Variants in ROBO1 observed in about 807,000 individuals in gnomAD.
ROBO1 encodes roundabout homolog 1.
ROBO1 carries 149 observed loss-of-function variants against 195.9 expected under a neutral mutation model. The observed-to-expected ratio is 0.76, with a 90% CI of 0.67 to 0.87. The LOEUF is 0.87. Ranked by LOEUF, ROBO1 falls within the 40% of genes least tolerant of loss-of-function variation. The pLI is 0.00. For synonymous variants in ROBO1, 816 were observed against 733.2 expected (o/e 1.11, Z -1.82); for missense variants, 1,933 against 2,068.3 (o/e 0.93, Z 1.27).
At chr3:78,769,830 C>T (rs906748571) in intron 4 of ROBO1, among the ~76,000 whole-genome samples, 3 of 152,026 alleles carry the variant, frequency 2.0e-5, no homozygotes, top group East Asian at 1.9e-4. Context: ...TTCCTTCATA[C>T]ATGATGCTTG....
At position 78,667,851 on chromosome 3, in the gene ROBO1, G is replaced by C. The variant is rs376805302; in HGVS notation, c.1966+32C>G. On this transcript the variant is annotated intron_variant, in intron 14 of 30. Coordinates refer to ENST00000464233, the MANE Select transcript of ROBO1 (RefSeq NM_002941.4). ...CAATTATAACATCTAAGGATAAGTA[G>C]GTGTCACAGGTTTAAGTAAATCAAT... 3.2e-4 allele frequency: 508 copies of C among 1,595,516 alleles called. 2 individuals carry two copies. The African/African-American group carries it at 6.3e-3, about 20-fold the overall frequency.
intron 2 of ROBO1, among the ~76,000 whole-genome samples, chr3:79,231,050 A>G (rs1040867546): frequency 1.3e-5 from 2 of 152,016 alleles, no homozygotes; most frequent in African/African-American, 4.8e-5. Context: ...CCTTCCTTAC[A>G]CCCTACACAA....
chr3:79,070,145 A>G (rs955099263), intron 3 of ROBO1, among the ~76,000 whole-genome samples: 3 of 151,876 alleles, frequency 2.0e-5, no homozygotes, highest in Non-Finnish European at 4.4e-5. Flanking sequence ...TGAGAAAGAG[A>G]AGAATCTTTG....
At chr3:79,513,161 G>T (rs188434610) in intron 2 of ROBO1, among the ~76,000 whole-genome samples, 1 of 152,208 alleles carries the variant, frequency 6.6e-6, no homozygotes, top group East Asian at 1.9e-4. Flanking sequence ...ATTTAATGAA[G>T]TGTAGGAAGC....
intron 4 of ROBO1, among the ~76,000 whole-genome samples, chr3:78,904,974 C>A (rs1044339499): frequency 1.8e-4 from 27 of 151,932 alleles, no homozygotes; most frequent in Admixed American, 5.3e-4. Context: ...CAATTCTATT[C>A]TTTTCTGTTG....
intron 3 of ROBO1, among the ~76,000 whole-genome samples, chr3:79,109,051 G>A (rs1168864003): frequency 2.0e-5 from 3 of 151,566 alleles, no homozygotes; most frequent in African/African-American, 7.3e-5. Context: ...ACAGGCATTT[G>A]TTTGTGGACT....
intron 5 of ROBO1, among the ~76,000 whole-genome samples, chr3:78,735,047 T>C (rs2082364141): frequency 6.6e-6 from 1 of 152,212 alleles, no homozygotes; most frequent in African/African-American, 2.4e-5. Context: ...GACTTATATA[T>C]TGATGTAAAC....
intron 1 of ROBO1, among the ~76,000 whole-genome samples, chr3:79,650,193 A>G (rs1244336419): frequency 5.9e-5 from 9 of 151,978 alleles, no homozygotes; most frequent in Admixed American, 5.9e-4. Flanking sequence ...TGACAAACTG[A>G]TTAAGAAAAC....
At chr3:79,613,985 T>C (rs556470675) in intron 1 of ROBO1, among the ~76,000 whole-genome samples, 6 of 152,092 alleles carry the variant, frequency 3.9e-5, no homozygotes, top group South Asian at 2.1e-4. Context: ...TAAGTGTGTA[T>C]ACACCTAACA....
intron 2 of ROBO1, among the ~76,000 whole-genome samples, chr3:79,448,448 T>C (rs932065706): frequency 1.3e-5 from 2 of 152,186 alleles, no homozygotes; most frequent in Non-Finnish European, 2.9e-5. Flanking sequence ...GTAAGGGTCC[T>C]CCATAAAACC....
chr3:78,912,796 T>C (rs1459309742), intron 4 of ROBO1, among the ~76,000 whole-genome samples: 1 of 152,124 alleles, frequency 6.6e-6, no homozygotes, highest in Admixed American at 6.5e-5. Context: ...TTTCAAATGA[T>C]CACATACATA....
intron 25 of ROBO1, 116 bp from the exon 26 acceptor site, chr3:78,627,685 A>G: frequency 9.0e-7 from 1 of 1,108,704 alleles, no homozygotes; most frequent in East Asian, 2.6e-5. Flanking sequence ...TCTCAGTCAC[A>G]TTAAGGAGAT....
At chr3:79,125,305 G>T (rs767229000) in intron 3 of ROBO1, 151 bp downstream of exon 3, 3 of 666,078 alleles carry the variant, frequency 4.5e-6, no homozygotes, top group Non-Finnish European at 8.3e-6. Flanking sequence ...AATATGATCT[G>T]ATATGAACAG....
chr3:79,237,374 G>A (rs190358608), intron 2 of ROBO1, among the ~76,000 whole-genome samples: 151 of 151,892 alleles, frequency 9.9e-4, no homozygotes, highest in Non-Finnish European at 8.7e-4. Context: ...CCAGCTACTC[G>A]GGAGGCTGAG....
At chr3:79,621,954 A>G (rs1381006762) in intron 1 of ROBO1, among the ~76,000 whole-genome samples, 2 of 152,172 alleles carry the variant, frequency 1.3e-5, no homozygotes, top group Non-Finnish European at 2.9e-5. Context: ...CGAGGCTCCC[A>G]TAAAAAAATA....
intron 4 of ROBO1, among the ~76,000 whole-genome samples, chr3:78,826,089 T>C (rs1471272635): frequency 6.6e-6 from 1 of 152,174 alleles, no homozygotes; most frequent in East Asian, 1.9e-4. Flanking sequence ...AAATCTTAAG[T>C]CAGCTGTAAT....
At chr3:78,722,779 T>C (rs1576022438) in intron 5 of ROBO1, among the ~76,000 whole-genome samples, 2 of 152,228 alleles carry the variant, frequency 1.3e-5, no homozygotes, top group East Asian at 3.9e-4. Context: ...TCAGACTACT[T>C]TTTATTATAT....
intron 4 of ROBO1, among the ~76,000 whole-genome samples, chr3:78,863,708 G>T (rs529271397): frequency 6.6e-6 from 1 of 152,234 alleles, no homozygotes; most frequent in East Asian, 1.9e-4. Flanking sequence ...GCTGCTTTTA[G>T]TTAGAAGGCT....
intron 2 of ROBO1, among the ~76,000 whole-genome samples, chr3:79,267,519 G>A (rs577337749): frequency 6.6e-6 from 1 of 151,202 alleles, no homozygotes; most frequent in African/African-American, 2.4e-5. Context: ...GAGGATAGTG[G>A]TGGGAATCTT....
Sources: gnomAD v4.1 joint callset for allele counts (sites outside exome capture counted in the v4.1 genomes callset) on GRCh38, gnomAD v4.1.1 for gene constraint, MANE v1.5 for transcripts, NCBI Gene and HGNC (gene_info 2026-07-23, HGNC 2026-07-21) for gene names.